The following RNF115 variants were observed in gnomAD, a reference collection of about 807,000 sequenced individuals.
RNF115 encodes the protein ring finger protein 115.
RNF115 carries 31 observed loss-of-function variants against 39.2 expected under a neutral mutation model. The ratio of observed to expected loss-of-function variants is 0.79; its 90% confidence interval spans 0.59 to 1.07. RNF115 has a LOEUF of 1.07. Among genes scored for constraint, RNF115 ranks in the 50% least tolerant of loss-of-function variants. The probability of loss-of-function intolerance (pLI) is 0.00; values close to 1 mark genes in which losing one functional copy is unlikely to be tolerated. For missense variants in RNF115, 384 were observed against 381.7 expected (o/e 1.01, Z -0.05); for synonymous variants, 124 against 131.0 (o/e 0.95, Z 0.37).
chr1:145,790,294 C>T (rs368831951), intron 1 of RNF115, among the ~76,000 whole-genome samples: 87 of 151,794 alleles, frequency 5.7e-4, no homozygotes, highest in African/African-American at 2.1e-3. Flanking sequence ...GCATGCAACA[C>T]CACGCCTGGC....
intron 1 of RNF115, 107 bp downstream of exon 1, chr1:145,823,665 C>A: frequency 1.1e-6 from 1 of 928,342 alleles, no homozygotes; most frequent in South Asian, 1.8e-5. Context: ...TTCGGCAGAC[C>A]GATGTCGGGC....
At chr1:145,775,151 T>C (rs1230342765) in intron 3 of RNF115, among the ~76,000 whole-genome samples, 3 of 151,986 alleles carry the variant, frequency 2.0e-5, no homozygotes, top group Non-Finnish European at 4.4e-5. Context: ...GGAGGCTGAG[T>C]GGGGAGGATC....
At chr1:145,778,013 C>A (rs1647960701) in intron 3 of RNF115, among the ~76,000 whole-genome samples, 1 of 152,074 alleles carries the variant, frequency 6.6e-6, no homozygotes, top group Non-Finnish European at 1.5e-5. Context: ...AACATATGAT[C>A]ACACAAAAAC....
intron 2 of RNF115, among the ~76,000 whole-genome samples, chr1:145,785,538 G>A (rs903416890): frequency 1.4e-4 from 22 of 152,208 alleles, no homozygotes; most frequent in African/African-American, 5.1e-4. Flanking sequence ...TAACACATCC[G>A]GGAAGAGGGG....
chr1:145,752,489 T>C (rs1553712606), intron 5 of RNF115, among the ~76,000 whole-genome samples: 1 of 146,614 alleles, frequency 6.8e-6, no homozygotes. Context: ...TGAGCCTGAA[T>C]AATAATAAAA....
At chr1:145,761,412 G>A (rs1398071051) in intron 4 of RNF115, among the ~76,000 whole-genome samples, 1 of 152,234 alleles carries the variant, frequency 6.6e-6, no homozygotes, top group Non-Finnish European at 1.5e-5. Flanking sequence ...TCCCCGTGCT[G>A]TGTGCAGCCT....
At chr1:145,804,557 C>T (rs1553721350) in intron 1 of RNF115, among the ~76,000 whole-genome samples, 1 of 151,418 alleles carries the variant, frequency 6.6e-6, no homozygotes, top group Non-Finnish European at 1.5e-5. Context: ...CACAGAATAA[C>T]CAACCAGTTG....
chr1:145,783,638 T>C (rs1344369759), intron 3 of RNF115, among the ~76,000 whole-genome samples: 1 of 152,178 alleles, frequency 6.6e-6, no homozygotes, highest in Non-Finnish European at 1.5e-5. Flanking sequence ...CCTTTTAGCA[T>C]CTGTCAGCTT....
chr1:145,812,705 A>G (rs587607376), intron 1 of RNF115, among the ~76,000 whole-genome samples: 17 of 151,840 alleles, frequency 1.1e-4, no homozygotes, highest in African/African-American at 3.9e-4. Context: ...TGTTTTGGGA[A>G]AAGAGTCACC....
At chr1:145,756,367 T>G (rs1437459863) in intron 4 of RNF115, among the ~76,000 whole-genome samples, 1 of 151,546 alleles carries the variant, frequency 6.6e-6, no homozygotes, top group Non-Finnish European at 1.5e-5. Flanking sequence ...GGCTGAAACA[T>G]GAGAATCACT....
In RNF115 at chr1:145,761,022, G is replaced by C. The variant is rs587695456; in HGVS notation, c.429-7973C>G. On this transcript the variant is annotated intron_variant, in intron 4 of 8. Coordinates refer to ENST00000582693, the MANE Select transcript of RNF115 (RefSeq NM_014455.4). ...TTGTTATGTTTTAACAAAGAGACTGGCAGCATTTTGCCCCTGCCCTACAGA... is the reference window on the plus strand; with the variant it reads ...TTGTTATGTTTTAACAAAGAGACTGCCAGCATTTTGCCCCTGCCCTACAGA... Among the ~76,000 whole-genome samples the C allele has an allele frequency of 2.2e-3, 341 of 152,296 alleles. 1 individual carries two copies. Among genetic ancestry groups the C allele is most frequent in the Non-Finnish European group, 4.2e-3 (289 of 68,024 alleles).
chr1:145,813,662 T>C (rs587662985), intron 1 of RNF115, among the ~76,000 whole-genome samples: 5 of 152,300 alleles, frequency 3.3e-5, no homozygotes, highest in South Asian at 2.1e-4. Context: ...GTTCCTGTTC[T>C]AAACACTCTC....
rs782218249 is a variant in RNF115, at chr1:145,752,994, G to A, written c.484C>T (p.Pro162Ser). The change falls in exon 5 of 9, where the codon CCA (proline) becomes TCA (serine). Residue 162 changes from proline (P) to serine (S), a missense_variant. Transcript: ENST00000582693. ...FFANSAIPGS[P>S]HPFSWSGMLH... ...GTTACTTACCAGGAAAAAGGGTGTG[G>A]AGATCCAGGAATGGCAGAATTTGCA... 6.2e-7 allele frequency: 1 copy of A among 1,607,908 alleles called. No homozygotes were observed. Among genetic ancestry groups the A allele is most frequent in the South Asian group, 1.1e-5 (1 of 90,940 alleles).
chr1:145,761,470 G>T (rs920684646), intron 4 of RNF115, among the ~76,000 whole-genome samples: 3 of 152,316 alleles, frequency 2.0e-5, no homozygotes, highest in South Asian at 4.1e-4. Flanking sequence ...TGGCTGAAAG[G>T]GGCCAACATA....
intron 1 of RNF115, among the ~76,000 whole-genome samples, chr1:145,810,931 T>C (rs1457777836): frequency 1.3e-5 from 2 of 149,594 alleles, no homozygotes; most frequent in Non-Finnish European, 3.0e-5. Context: ...AGCGGTGTGA[T>C]CACGGTTCAC....
At chr1:145,817,977 C>T (rs1650064672) in intron 1 of RNF115, among the ~76,000 whole-genome samples, 2 of 128,324 alleles carry the variant, frequency 1.6e-5, no homozygotes, top group South Asian at 2.7e-4. Flanking sequence ...GTATATGTAC[C>T]ATATTTTCTT....
chr1:145,789,547 C>T (rs1386530388), intron 1 of RNF115, among the ~76,000 whole-genome samples: 7 of 147,644 alleles, frequency 4.7e-5, no homozygotes, highest in Admixed American at 6.8e-5. Flanking sequence ...TACAGGCATG[C>T]GACAACACGC....
At chr1:145,783,187 T>G (rs1240349438) in intron 3 of RNF115, among the ~76,000 whole-genome samples, 3 of 152,172 alleles carry the variant, frequency 2.0e-5, no homozygotes, top group African/African-American at 4.8e-5. Flanking sequence ...AATAATGTTT[T>G]TCAATCCATT....
rs76450533 is a variant in RNF115, at chr1:145,786,594, T to C, written c.162-1998A>G. Among the ~76,000 whole-genome samples, 976 of 152,314 alleles carry C rather than the reference T, an allele frequency of 6.4e-3. 12 individuals carry two copies. The highest frequency in any genetic ancestry group is 0.014 in the Admixed American group (210 of 15,288). ...CAGTTCCCTGCTAGACAAAGATTCATCCTACAGTTAATCATTCTCATTTAT... is the reference window on the plus strand; with the variant it reads ...CAGTTCCCTGCTAGACAAAGATTCACCCTACAGTTAATCATTCTCATTTAT... On this transcript the variant is annotated intron_variant, in intron 2 of 8. Coordinates refer to ENST00000582693, the MANE Select transcript of RNF115 (RefSeq NM_014455.4).
Sources: gnomAD v4.1 joint callset for allele counts (sites outside exome capture counted in the v4.1 genomes callset) on GRCh38, gnomAD v4.1.1 for gene constraint, MANE v1.5 for transcripts, NCBI Gene and HGNC (gene_info 2026-07-23, HGNC 2026-07-21) for gene names.